RABEP1: variants seen among roughly 807,000 people sequenced by gnomAD.
RABEP1 encodes rab GTPase-binding effector protein 1.
RABEP1 carries 51 observed loss-of-function variants against 123.4 expected under a neutral mutation model. That is an observed-to-expected ratio of 0.41 (90% CI 0.33 to 0.52). The LOEUF (loss-of-function observed/expected upper bound fraction) is 0.52. Among genes scored for constraint, RABEP1 ranks in the 20% least tolerant of loss-of-function variants. The probability of loss-of-function intolerance (pLI) is 0.16; values close to 1 mark genes in which losing one functional copy is unlikely to be tolerated. For missense variants in RABEP1, 888 were observed against 996.3 expected (o/e 0.89, Z 1.46); for synonymous variants, 347 against 355.2 (o/e 0.98, Z 0.26).
At chr17:5,322,777 CA>C (rs1246284127) in intron 2 of RABEP1, among the ~76,000 whole-genome samples, 2 of 152,174 alleles carry the variant, frequency 1.3e-5, no homozygotes, top group East Asian at 3.8e-4. Context: ...TAACCAAGAA[CA>C]AAAGCCATAT....
At chr17:5,352,928 G>A (rs965119568) in intron 7 of RABEP1, among the ~76,000 whole-genome samples, 2 of 152,170 alleles carry the variant, frequency 1.3e-5, no homozygotes, top group Admixed American at 1.3e-4. Flanking sequence ...CTAGCATTGT[G>A]CTAAGGCTTT....
At chr17:5,367,338 C>T (rs1567547815) in intron 11 of RABEP1, among the ~76,000 whole-genome samples, 1 of 151,612 alleles carries the variant, frequency 6.6e-6, no homozygotes. Flanking sequence ...GTGGCACGAT[C>T]TTGGCTCACT....
In RABEP1 at chr17:5,330,760, C is replaced by T. The variant is rs552745961; in HGVS notation, c.164-1189C>T. Among the ~76,000 whole-genome samples, 11 of 152,136 alleles carry T rather than the reference C, an allele frequency of 7.2e-5. No individual in the cohort carries two copies. In the South Asian group the frequency reaches 1.5e-3, roughly 20 times the overall value. ...AGTTAAGGCCGGGCGCGGTGGCTCACACCTGTAATCCCAACGCTTTGGGAG... is the reference window on the plus strand; with the variant it reads ...AGTTAAGGCCGGGCGCGGTGGCTCATACCTGTAATCCCAACGCTTTGGGAG... On this transcript the variant is annotated intron_variant, in intron 2 of 17. Transcript: ENST00000537505.
chr17:5,300,830 T>C (rs930455720), intron 1 of RABEP1, among the ~76,000 whole-genome samples: 1 of 152,154 alleles, frequency 6.6e-6, no homozygotes, highest in Non-Finnish European at 1.5e-5. Flanking sequence ...TGAGAAGATA[T>C]GAAGTTGCTT....
intron 1 of RABEP1, among the ~76,000 whole-genome samples, chr17:5,284,363 T>C (rs1292286179): frequency 6.6e-6 from 1 of 152,212 alleles, no homozygotes; most frequent in African/African-American, 2.4e-5. Flanking sequence ...TTATTTTAAA[T>C]TAATGTAGGT....
At chr17:5,286,392 G>C (rs2074978021) in intron 1 of RABEP1, among the ~76,000 whole-genome samples, 1 of 152,162 alleles carries the variant, frequency 6.6e-6, no homozygotes, top group Non-Finnish European at 1.5e-5. Flanking sequence ...TACTCAGGAG[G>C]CTGAGGCAGA....
rs145302611 is a variant in RABEP1, at chr17:5,367,245, TACACAC to T, written c.1786-1103_1786-1098del. On this transcript the variant is annotated intron_variant, in intron 11 of 17. Transcript: ENST00000537505. ...ATCTAAAATTCCTCTAGAACTTAGA[TACACAC>T]ACACACACACACACACACACAGTGT... Among the ~76,000 whole-genome samples the T allele has an allele frequency of 2.6e-4, 39 of 147,752 alleles. 1 individual carries two copies. The highest frequency in any genetic ancestry group is 4.7e-4 in the Admixed American group (7 of 14,816).
chr17:5,368,548 G>C (rs1444150076), intron 12 of RABEP1, 80 bp downstream of exon 12: 3 of 1,022,468 alleles, frequency 2.9e-6, no homozygotes, highest in African/African-American at 3.2e-5. Context: ...ATCTTTGATA[G>C]GAATTTATCA....
At chr17:5,376,396 G>A (rs1910995416) in intron 13 of RABEP1, among the ~76,000 whole-genome samples, 1 of 152,174 alleles carries the variant, frequency 6.6e-6, no homozygotes, top group Non-Finnish European at 1.5e-5. Flanking sequence ...TTGATTCTTG[G>A]ACCTGCTTCA....
intron 17 of RABEP1, among the ~76,000 whole-genome samples, 191 bp from the exon 18 acceptor site, chr17:5,382,931 A>C (rs1058366): frequency 0.34 from 49,588 of 146,028 alleles, 9,349 homozygotes; most frequent in East Asian, 0.77. Flanking sequence ...TCTCCCCCCC[A>C]AAAAAAAATC....
At chr17:5,317,688 T>C (rs771450988) in intron 2 of RABEP1, among the ~76,000 whole-genome samples, 12 of 151,938 alleles carry the variant, frequency 7.9e-5, no homozygotes, top group Non-Finnish European at 1.6e-4. Flanking sequence ...TTAAAAGCCT[T>C]AACAATTTTA....
chr17:5,377,327 T>G (rs748700724), intron 14 of RABEP1, 22 bp downstream of exon 14: 1 of 1,552,590 alleles, frequency 6.4e-7, no homozygotes, highest in Non-Finnish European at 8.6e-7. Context: ...AGTGATGTAG[T>G]TTAGAATTAG....
chr17:5,351,706 G>C (rs1187806339), intron 7 of RABEP1, among the ~76,000 whole-genome samples: 1 of 152,178 alleles, frequency 6.6e-6, no homozygotes, highest in Non-Finnish European at 1.5e-5. Flanking sequence ...GGAGGCTGAG[G>C]TGGGAGGATC....
intron 2 of RABEP1, among the ~76,000 whole-genome samples, chr17:5,328,699 T>G (rs1374551842): frequency 1.5e-5 from 2 of 131,338 alleles, no homozygotes; most frequent in Non-Finnish European, 3.2e-5. Context: ...ACGCCTGTAA[T>G]CCCAGCACTT....
At chr17:5,319,054 G>A (rs1022781090) in intron 2 of RABEP1, among the ~76,000 whole-genome samples, 22 of 151,936 alleles carry the variant, frequency 1.4e-4, no homozygotes, top group African/African-American at 2.9e-4. Flanking sequence ...AGTTTAGGCC[G>A]GGCGTGGTGG....
In RABEP1 at chr17:5,331,993, G is replaced by A. The variant is rs770956301; in HGVS notation, c.208G>A (p.Asp70Asn). Residue 70 changes from aspartate to asparagine, a missense_variant, in exon 3 of 18, where the codon GAT becomes AAT. Physicochemically the swap from Asp to Asn is conservative, Grantham distance 23. Transcript: ENST00000537505. Reference sequence around the variant, plus strand: ...TGCAGTATTACAAGCTGCACAAGATGATTTGGGACACCTTCGAACCCAGCT... The same window carrying A: ...TGCAGTATTACAAGCTGCACAAGATAATTTGGGACACCTTCGAACCCAGCT... ...QNAVLQAAQD[D>N]LGHLRTQLWE... 2.0e-5 allele frequency: 33 copies of A among 1,613,934 alleles called. 1 individual carries two copies. In the Middle Eastern group the frequency reaches 4.9e-4, roughly 24 times the overall value.
rs533245702 is a variant in RABEP1 at position 5,317,979 on chromosome 17, C to T, written c.163+9157C>T. 4.6e-5 allele frequency among the ~76,000 whole-genome samples: 7 copies of T among 152,218 alleles called. No homozygotes were observed. The South Asian group carries it at 1.4e-3, about 32-fold the overall frequency. ...TGTGAAGGTTCGTGGTGGGTGGTGC[C>T]CCAGAGAGGGCGTAGAAGCTCCATG... On this transcript the variant is annotated intron_variant, in intron 2 of 17. Transcript: ENST00000537505.
intron 14 of RABEP1, among the ~76,000 whole-genome samples, chr17:5,377,525 T>G (rs1327910141): frequency 2.1e-5 from 3 of 143,008 alleles, no homozygotes; most frequent in African/African-American, 7.6e-5. Flanking sequence ...AAAAAATTTT[T>G]TTTTTTTTTT....
At chr17:5,344,713 A>G (rs904057379) in intron 5 of RABEP1, among the ~76,000 whole-genome samples, 2 of 131,918 alleles carry the variant, frequency 1.5e-5, no homozygotes, top group African/African-American at 5.8e-5. Flanking sequence ...CGGAGCTTGC[A>G]GTGTGCCGAG....
Sources: gnomAD v4.1 joint callset for allele counts (sites outside exome capture counted in the v4.1 genomes callset) on GRCh38, gnomAD v4.1.1 for gene constraint, MANE v1.5 for transcripts, NCBI Gene and HGNC (gene_info 2026-07-23, HGNC 2026-07-21) for gene names.